The following TMOD3 variants were observed in gnomAD, a reference collection of about 807,000 sequenced individuals.
TMOD3 encodes tropomodulin-3.
Under a neutral mutation model 39.2 loss-of-function variants are expected in TMOD3, and 20 were observed. That is an observed-to-expected ratio of 0.51 (90% CI 0.36 to 0.74). The LOEUF (loss-of-function observed/expected upper bound fraction) is 0.74. Ranked by LOEUF, TMOD3 falls within the 30% of genes least tolerant of loss-of-function variation. TMOD3 has a pLI of 0.00. For synonymous variants in TMOD3, 143 were observed against 145.8 expected, an observed-to-expected ratio of 0.98 and a Z score of 0.14; for missense variants, 381 against 412.8, an observed-to-expected ratio of 0.92 and a Z score of 0.67.
chr15:51,837,150 A>C (rs1319698184), intron 1 of TMOD3, among the ~76,000 whole-genome samples: 1 of 152,166 alleles, frequency 6.6e-6, no homozygotes. Context: ...TTTGAGCAGG[A>C]TATTATTAGT....
At chr15:51,870,912 T>A (rs2056471621) in intron 3 of TMOD3, among the ~76,000 whole-genome samples, 1 of 152,168 alleles carries the variant, frequency 6.6e-6, no homozygotes, top group Admixed American at 6.5e-5. Flanking sequence ...GTGGCAGAAT[T>A]TCTTCCTACT....
In TMOD3 at chr15:51,887,627, T is replaced by C. The variant is rs1309435045; in HGVS notation, c.322T>C (p.Phe108Leu). 1 of 1,613,802 alleles carries C rather than the reference T, an allele frequency of 6.2e-7. No homozygotes were observed. Among genetic ancestry groups the C allele is most frequent in the African/African-American group, 1.3e-5 (1 of 74,888 alleles). Reference protein sequence around the residue: ...FIPKQKPVQTFTEEKVSLDPE... With the variant: ...FIPKQKPVQTLTEEKVSLDPE... ...CCCCAAACAGAAACCTGTACAGACT[T>C]TTACAGAAGAAAAAGTGTCTCTTGA... Residue 108 changes from phenylalanine to leucine, a missense_variant, in exon 4 of 10, where the codon TTT becomes CTT. Transcript: ENST00000308580.
chr15:51,867,872 A>G (rs2056454831), intron 2 of TMOD3, among the ~76,000 whole-genome samples: 1 of 152,214 alleles, frequency 6.6e-6, no homozygotes, highest in South Asian at 2.1e-4. Flanking sequence ...GTGAAAATTA[A>G]GGGACTACAG....
At chr15:51,885,658 A>G (rs149279025) in intron 3 of TMOD3, among the ~76,000 whole-genome samples, 39 of 152,372 alleles carry the variant, frequency 2.6e-4, no homozygotes, top group African/African-American at 8.7e-4. Context: ...CTCCCAGTAC[A>G]GAACAAAATG....
At chr15:51,870,192 G>T (rs1398981164) in intron 3 of TMOD3, among the ~76,000 whole-genome samples, 2 of 152,154 alleles carry the variant, frequency 1.3e-5, no homozygotes, top group Admixed American at 1.3e-4. Context: ...ACCCACCTAG[G>T]CCTCCTAAAG....
intron 6 of TMOD3, among the ~76,000 whole-genome samples, chr15:51,894,466 G>T (rs1158046551): frequency 1.3e-5 from 2 of 152,108 alleles, no homozygotes; most frequent in Non-Finnish European, 2.9e-5. Context: ...TTAGTGTCCA[G>T]TTCTATGAAT....
intron 1 of TMOD3, chr15:51,860,165 C>G (rs2056409948): frequency 2.1e-6 from 1 of 470,828 alleles, no homozygotes; most frequent in Non-Finnish European, 4.2e-6. Flanking sequence ...CCGCATAATC[C>G]CAAGTGAGAA....
At chr15:51,881,601 G>A (rs1368107709) in intron 3 of TMOD3, among the ~76,000 whole-genome samples, 1 of 78,270 alleles carries the variant, frequency 1.3e-5, no homozygotes, top group African/African-American at 5.6e-5. Context: ...TGCTCTTGTT[G>A]CCGGGGCTGG....
intron 3 of TMOD3, among the ~76,000 whole-genome samples, chr15:51,873,136 C>T (rs1036664751): frequency 2.0e-5 from 3 of 152,200 alleles, no homozygotes; most frequent in Admixed American, 6.5e-5. Context: ...CACGAATATG[C>T]CTTCCTCTCT....
intron 9 of TMOD3, chr15:51,907,087 T>C (rs1426118112): frequency 6.6e-6 from 1 of 152,104 alleles, no homozygotes; most frequent in African/African-American, 2.4e-5. Context: ...TTCAGAGATC[T>C]ATATACATGA....
chr15:51,860,041 A>G (rs1437407691), intron 1 of TMOD3: 17 of 532,434 alleles, frequency 3.2e-5, no homozygotes, highest in South Asian at 2.1e-4. Context: ...CTGCCTCTTC[A>G]TATACGGCAC....
intron 1 of TMOD3, among the ~76,000 whole-genome samples, chr15:51,855,882 A>G (rs2554324): frequency 0.034 from 5,109 of 152,288 alleles, 287 homozygotes; most frequent in African/African-American, 0.12. Flanking sequence ...TCAGTATACA[A>G]ATGTTCCTCA....
chr15:51,884,527 C>T (rs1364502218), intron 3 of TMOD3: 1 of 152,170 alleles, frequency 6.6e-6, no homozygotes, highest in African/African-American at 2.4e-5. Flanking sequence ...ATCTGCAGGG[C>T]AGAATTTCTT....
intron 9 of TMOD3, among the ~76,000 whole-genome samples, chr15:51,903,172 C>T (rs1471346060): frequency 6.6e-6 from 1 of 152,208 alleles, no homozygotes; most frequent in Non-Finnish European, 1.5e-5. Flanking sequence ...CTGCATACAT[C>T]TAGGTCAGTA....
At position 51,832,230 on chromosome 15, in the gene TMOD3, T is replaced by TATATATATATATATATATATATA. The variant is rs1450593296; in HGVS notation, c.-75+2396_-75+2397insATATATATATATATATATATAAT. Reference sequence around the variant, plus strand: ...ATATATATATATATATATATATATATATGAATGACATGGTTCCTGTCTAGG... The same window carrying TATATATATATATATATATATATA: ...ATATATATATATATATATATATATATATATATATATATATATATATATAATGAATGACATGGTTCCTGTCTAGG... On this transcript the variant is annotated intron_variant, in intron 1 of 9. Coordinates refer to ENST00000308580, the MANE Select transcript of TMOD3 (RefSeq NM_014547.5). Among the ~76,000 whole-genome samples the TATATATATATATATATATATATA allele has an allele frequency of 4.2e-4, 57 of 136,616 alleles. 1 individual carries two copies. Among genetic ancestry groups the TATATATATATATATATATATATA allele is most frequent in the African/African-American group, 1.5e-3 (53 of 36,154 alleles). The allele number at this position is 136,616 out of a possible 152,430, so 89.6% of individuals were successfully genotyped here.
chr15:51,892,092 A>G (rs185027660), intron 5 of TMOD3, among the ~76,000 whole-genome samples: 147 of 152,198 alleles, frequency 9.7e-4, no homozygotes, highest in Non-Finnish European at 1.8e-3. Context: ...GTGATATTTG[A>G]AAGTAACAAG....
chr15:51,890,771 T>C (rs2056589057), intron 5 of TMOD3, among the ~76,000 whole-genome samples: 1 of 152,210 alleles, frequency 6.6e-6, no homozygotes, highest in Non-Finnish European at 1.5e-5. Flanking sequence ...TTCTACGATG[T>C]TTTGTAATTT....
In TMOD3 at chr15:51,902,700, A is replaced by G. The variant is rs1473909716; in HGVS notation, c.1024+664A>G. Among the ~76,000 whole-genome samples, 5 of 127,192 alleles carry G rather than the reference A, an allele frequency of 3.9e-5. No individual in the cohort carries two copies. The East Asian group carries it at 1.3e-3, about 32-fold the overall frequency. 83.4% of individuals were successfully genotyped at this position (127,192 alleles called of 152,430 possible). On this transcript the variant is annotated intron_variant, in intron 9 of 9. Coordinates refer to ENST00000308580, the MANE Select transcript of TMOD3 (RefSeq NM_014547.5). ...AGTCTTGCTCTGTCGCCCAGGCTGGAGTGCAGTGGCACGATCTCGGCTCAC... is the reference window on the plus strand; with the variant it reads ...AGTCTTGCTCTGTCGCCCAGGCTGGGGTGCAGTGGCACGATCTCGGCTCAC...
chr15:51,865,112 A>G (rs574999718), intron 2 of TMOD3, among the ~76,000 whole-genome samples: 4 of 152,060 alleles, frequency 2.6e-5, no homozygotes, highest in Middle Eastern at 3.2e-3. Flanking sequence ...TCAGCCTCCT[A>G]TGTAGCTAGG....
Sources: gnomAD v4.1 joint callset for allele counts (sites outside exome capture counted in the v4.1 genomes callset) on GRCh38, gnomAD v4.1.1 for gene constraint, MANE v1.5 for transcripts, NCBI Gene and HGNC (gene_info 2026-07-23, HGNC 2026-07-21) for gene names.